The following XKR9 variants were observed in gnomAD, a reference collection of about 807,000 sequenced individuals.
XKR9 encodes XK-related protein 9.
A neutral mutation model predicts 32.0 loss-of-function variants in XKR9; 32 were observed. The ratio of observed to expected loss-of-function variants is 1.00; its 90% CI spans 0.76 to 1.34. XKR9 has a LOEUF of 1.34. Among genes scored for constraint, XKR9 ranks in the 40% most tolerant of loss-of-function variants. The probability of loss-of-function intolerance (pLI) is 0.00; values close to 1 mark genes in which losing one functional copy is unlikely to be tolerated. For missense variants in XKR9, 546 were observed against 429.7 expected, an observed-to-expected ratio of 1.27 and a Z score of -2.39; for synonymous variants, 168 against 143.4, an observed-to-expected ratio of 1.17 and a Z score of -1.22.
chr8:71,016,984 A>G, the XKR9 span, among the ~76,000 whole-genome samples: 1 of 152,218 alleles, frequency 6.6e-6, no homozygotes, highest in African/African-American at 2.4e-5. Flanking sequence ...GTTACTTCTT[A>G]GATGTACAAT....
downstream of XKR9, among the ~76,000 whole-genome samples, chr8:70,739,977 T>C (rs567134528): frequency 9.2e-5 from 14 of 152,328 alleles, no homozygotes; most frequent in East Asian, 2.5e-3. Flanking sequence ...AGTATCTTTG[T>C]GGCGTTCTCT....
At chr8:70,708,990 A>G (rs1305390842) in intron 4 of XKR9, among the ~76,000 whole-genome samples, 1 of 152,090 alleles carries the variant, frequency 6.6e-6, no homozygotes, top group African/African-American at 2.4e-5. Context: ...CAGTGACACA[A>G]GAAAAAAAGA....
At chr8:70,814,288 G>A in the XKR9 span, among the ~76,000 whole-genome samples, 2 of 151,870 alleles carry the variant, frequency 1.3e-5, no homozygotes, top group South Asian at 2.1e-4. Context: ...TCTGGTGACT[G>A]TTGTGGGGTG....
At position 70,735,749 on chromosome 8, in the gene XKR9, T is replaced by C. The variant is rs1348408560; in HGVS notation, c.*1325T>C. ...TGTTCTTGCGATAGTTTACTGAGAA[T>C]GATGATTTCCAGCTTCATCCATGTC... is the stretch of plus-strand genomic sequence containing the variant. On this transcript the variant is annotated 3_prime_UTR_variant, in exon 5 of 5. Transcript: ENST00000408926. 1 of 151,720 alleles carries C rather than the reference T, an allele frequency of 6.6e-6. No homozygotes were observed. The allele number at this position is 151,720 out of a possible 1,614,324, so 9.4% of individuals were successfully genotyped here.
At chr8:70,759,529 A>G (rs1449507716) in intron 2 of XKR9, among the ~76,000 whole-genome samples, 1 of 152,238 alleles carries the variant, frequency 6.6e-6, no homozygotes, top group South Asian at 2.1e-4. Flanking sequence ...ACAACAGTAA[A>G]TAGAAAACAA....
chr8:70,982,734 C>A, the XKR9 span, among the ~76,000 whole-genome samples: 48,457 of 151,968 alleles, frequency 0.32, 9,052 homozygotes, highest in Non-Finnish European at 0.43. Flanking sequence ...ATGTTCCTGC[C>A]GTAGTTCTTA....
At chr8:70,976,229 CCTGA>C in the XKR9 span, among the ~76,000 whole-genome samples, 1 of 141,658 alleles carries the variant, frequency 7.1e-6, no homozygotes, top group Non-Finnish European at 1.6e-5. Context: ...CTTTCTCCTG[CCTGA>C]TTGCCCTGGC....
At chr8:70,796,228 C>G in the XKR9 span, among the ~76,000 whole-genome samples, 1 of 152,096 alleles carries the variant, frequency 6.6e-6, no homozygotes, top group Non-Finnish European at 1.5e-5. Flanking sequence ...CCACCTTCTA[C>G]TAGGCTCTGG....
chr8:70,942,895 T>C, the XKR9 span, among the ~76,000 whole-genome samples: 1 of 152,182 alleles, frequency 6.6e-6, no homozygotes, highest in African/African-American at 2.4e-5. Flanking sequence ...TTTTCTATTA[T>C]GTCTTCATTT....
chr8:70,772,802 C>G (rs918461573), intron 2 of XKR9, among the ~76,000 whole-genome samples: 2 of 152,082 alleles, frequency 1.3e-5, no homozygotes, highest in Non-Finnish European at 1.5e-5. Context: ...CAAGTCTTTG[C>G]TTTTTAGGAC....
chr8:70,981,933 G>A, the XKR9 span, among the ~76,000 whole-genome samples: 1 of 152,222 alleles, frequency 6.6e-6, no homozygotes, highest in Admixed American at 6.5e-5. Context: ...CCACCCAGTG[G>A]AGCTACTAGA....
At chr8:70,829,534 C>T in the XKR9 span, among the ~76,000 whole-genome samples, 18 of 152,244 alleles carry the variant, frequency 1.2e-4, no homozygotes, top group African/African-American at 2.2e-4. Flanking sequence ...CTGCAAGCTC[C>T]GCCTCCCGGG....
At chr8:71,031,684 C>T in the XKR9 span, among the ~76,000 whole-genome samples, 1 of 152,108 alleles carries the variant, frequency 6.6e-6, no homozygotes, top group South Asian at 2.1e-4. Context: ...CCTTGAGTGG[C>T]ACCTGAATTG....
At chr8:70,861,117 A>G in the XKR9 span, among the ~76,000 whole-genome samples, 1 of 152,060 alleles carries the variant, frequency 6.6e-6, no homozygotes, top group Admixed American at 6.6e-5. Flanking sequence ...GTGTCTGTAA[A>G]ACAAACTAAA....
At chr8:71,065,151 A>G in the XKR9 span, among the ~76,000 whole-genome samples, 526 of 152,354 alleles carry the variant, frequency 3.5e-3, 2 homozygotes, top group African/African-American at 0.012. Flanking sequence ...TTGACAAAAC[A>G]TAGGGGGTGT....
chr8:70,781,469 T>C (rs1807615265), intron 2 of XKR9, among the ~76,000 whole-genome samples: 1 of 151,920 alleles, frequency 6.6e-6, no homozygotes, highest in Non-Finnish European at 1.5e-5. Context: ...ATGTATGCAA[T>C]GTGTGATGGT....
chr8:70,876,931 G>A, the XKR9 span, among the ~76,000 whole-genome samples: 1 of 152,068 alleles, frequency 6.6e-6, no homozygotes, highest in Non-Finnish European at 1.5e-5. Flanking sequence ...TGTAAAAAAT[G>A]ATAATAAACA....
chr8:70,819,634 C>T, the XKR9 span, among the ~76,000 whole-genome samples: 1 of 152,124 alleles, frequency 6.6e-6, no homozygotes, highest in Non-Finnish European at 1.5e-5. Flanking sequence ...GCTGTTTTAA[C>T]CTATAGGGTT....
At chr8:70,868,871 C>T in the XKR9 span, among the ~76,000 whole-genome samples, 1 of 152,194 alleles carries the variant, frequency 6.6e-6, no homozygotes, top group Non-Finnish European at 1.5e-5. Context: ...ACCCAAGTCA[C>T]CTCTTGAATG....
Sources: allele counts gnomAD v4.1 joint callset (sites outside exome capture counted in the v4.1 genomes callset), GRCh38; gene constraint gnomAD v4.1.1; transcripts MANE v1.5; gene names NCBI Gene and HGNC (gene_info 2026-07-23, HGNC 2026-07-21).